CCDC85A: variants seen among roughly 807,000 people sequenced by gnomAD.
The protein encoded by CCDC85A is coiled-coil domain containing 85A, also known as coiled-coil domain-containing protein 85A.
In CCDC85A, 38 loss-of-function variants were observed where a neutral mutation model predicts 50.2. The observed-to-expected ratio is 0.76, with a 90% CI of 0.58 to 0.99. The LOEUF (loss-of-function observed/expected upper bound fraction) is 0.99, where lower values mean the gene tolerates loss of function less well. Among genes scored for constraint, CCDC85A ranks in the 50% least tolerant of loss-of-function variants. The pLI, the probability that CCDC85A is intolerant of heterozygous loss-of-function variation, is 0.00. For synonymous variants in CCDC85A, 366 were observed against 301.4 expected (o/e 1.21, Z -2.22); for missense variants, 820 against 742.0 (o/e 1.11, Z -1.22).
intron 2 of CCDC85A, among the ~76,000 whole-genome samples, chr2:56,287,058 T>C (rs1445321787): frequency 6.6e-6 from 1 of 152,224 alleles, no homozygotes; most frequent in Non-Finnish European, 1.5e-5. Context: ...CTTTCCACTC[T>C]GACTGAACCA....
intron 2 of CCDC85A, among the ~76,000 whole-genome samples, chr2:56,254,098 A>T (rs577183057): frequency 4.6e-5 from 7 of 151,356 alleles, no homozygotes; most frequent in African/African-American, 1.7e-4. Flanking sequence ...ACATACACAT[A>T]TATATGTGTT....
At chr2:56,213,817 A>G (rs533024997) in intron 2 of CCDC85A, among the ~76,000 whole-genome samples, 2 of 152,106 alleles carry the variant, frequency 1.3e-5, no homozygotes, top group South Asian at 2.1e-4. Flanking sequence ...GCAAAGTCTA[A>G]TAACTGAAAA....
At chr2:56,342,785 C>T in intron 2 of CCDC85A, 94 bp from the exon 3 acceptor site, 1 of 705,078 alleles carries the variant, frequency 1.4e-6, no homozygotes. Flanking sequence ...TAAATAGTCA[C>T]TGTCTGATTT....
At chr2:56,327,121 T>A (rs1673510864) in intron 2 of CCDC85A, among the ~76,000 whole-genome samples, 1 of 152,158 alleles carries the variant, frequency 6.6e-6, no homozygotes, top group South Asian at 2.1e-4. Flanking sequence ...AATGTTTGTG[T>A]AATGAAGAAA....
Position 56,184,578 on chromosome 2 carries a change from T to G in CCDC85A, c.-47T>G. 1 of 1,358,884 alleles carries G rather than the reference T, an allele frequency of 7.4e-7. No individual in the cohort carries two copies. The highest frequency in any genetic ancestry group is 9.4e-7 in the Non-Finnish European group (1 of 1,065,306). The allele number at this position is 1,358,884 out of a possible 1,614,324, so 84.2% of individuals were successfully genotyped here. Reference sequence around the variant, plus strand: ...CTCGCCGCGCCCGCGCCTTCGGGAGTCGCCTCGCCTCTTCCACCCACTTGC... The same window carrying G: ...CTCGCCGCGCCCGCGCCTTCGGGAGGCGCCTCGCCTCTTCCACCCACTTGC... On this transcript the variant is annotated 5_prime_UTR_variant, in exon 1 of 6. Transcript: ENST00000407595.
At chr2:56,184,955 G>A (rs1675940702) in intron 1 of CCDC85A, 55 bp downstream of exon 1, 1 of 1,435,670 alleles carries the variant, frequency 7.0e-7, no homozygotes, top group African/African-American at 1.5e-5. Flanking sequence ...GGTGCCCCGA[G>A]GAGGAGGCGG....
chr2:56,306,127 T>C (rs1672432635), intron 2 of CCDC85A, among the ~76,000 whole-genome samples: 1 of 152,058 alleles, frequency 6.6e-6, no homozygotes, highest in Admixed American at 6.6e-5. Context: ...AAACTTCCAG[T>C]GTATGAGATC....
rs538146349 is a variant in CCDC85A, at chr2:56,185,036, C to A, written c.276+136C>A. The A allele has an allele frequency of 4.9e-5, 52 of 1,070,252 alleles. No individual in the cohort carries two copies. The East Asian group carries it at 1.2e-3, about 24-fold the overall frequency. The allele number at this position is 1,070,252 out of a possible 1,614,324, so 66.3% of individuals were successfully genotyped here. A position where few individuals can be genotyped will look rare whatever the true frequency, so the allele number is the denominator to read the frequency against. ...TTCTCCCGGTCGGCACCCCCTACCCCCAGTCCCCAGCCCCTGTGTAACTTT... is the reference window on the plus strand; with the variant it reads ...TTCTCCCGGTCGGCACCCCCTACCCACAGTCCCCAGCCCCTGTGTAACTTT... On this transcript the variant is annotated intron_variant, in intron 1 of 5. Coordinates refer to ENST00000407595, the MANE Select transcript of CCDC85A (RefSeq NM_001080433.2).
chr2:56,224,755 T>C (rs990708062), intron 2 of CCDC85A, among the ~76,000 whole-genome samples: 2 of 152,210 alleles, frequency 1.3e-5, no homozygotes, highest in Non-Finnish European at 2.9e-5. Flanking sequence ...TTTGGAGAAA[T>C]GTCTATTCAA....
At chr2:56,308,540 A>G (rs1672544918) in intron 2 of CCDC85A, among the ~76,000 whole-genome samples, 1 of 152,224 alleles carries the variant, frequency 6.6e-6, no homozygotes, top group South Asian at 2.1e-4. Flanking sequence ...CAACAACAAC[A>G]ACAACAACAC....
chr2:56,226,331 G>C (rs1488682615), intron 2 of CCDC85A, among the ~76,000 whole-genome samples: 1 of 152,056 alleles, frequency 6.6e-6, no homozygotes, highest in Non-Finnish European at 1.5e-5. Flanking sequence ...CTTACCATTG[G>C]TTACCCAGTT....
chr2:56,292,472 G>A (rs1671758838), intron 2 of CCDC85A, among the ~76,000 whole-genome samples: 1 of 152,120 alleles, frequency 6.6e-6, no homozygotes, highest in African/African-American at 2.4e-5. Flanking sequence ...GGTCTTCACA[G>A]GGACCTATAG....
At chr2:56,207,846 C>A (rs945320021) in intron 2 of CCDC85A, among the ~76,000 whole-genome samples, 1 of 152,080 alleles carries the variant, frequency 6.6e-6, no homozygotes, top group Non-Finnish European at 1.5e-5. Flanking sequence ...CTATAAGAAA[C>A]AATAAACTTT....
chr2:56,201,515 T>C (rs1407002047), intron 2 of CCDC85A, among the ~76,000 whole-genome samples: 2 of 152,176 alleles, frequency 1.3e-5, no homozygotes, highest in Non-Finnish European at 2.9e-5. Flanking sequence ...CTCCTAATTA[T>C]TGAGGGACTT....
rs1272009806 is a variant in CCDC85A, at chr2:56,293,708, T to A, written c.1241-49171T>A. Among the ~76,000 whole-genome samples the A allele has an allele frequency of 2.0e-5, 3 of 152,040 alleles. No individual in the cohort carries two copies. The East Asian group carries it at 5.8e-4, about 29-fold the overall frequency. On this transcript the variant is annotated intron_variant, in intron 2 of 5. Coordinates refer to ENST00000407595, the MANE Select transcript of CCDC85A (RefSeq NM_001080433.2). ...AACCAACAAACACATGAAAAAAAGC[T>A]CAACATCACTGATCATTAGAGAAAT...
At chr2:56,203,907 A>G (rs1428945648) in intron 2 of CCDC85A, among the ~76,000 whole-genome samples, 1 of 152,186 alleles carries the variant, frequency 6.6e-6, no homozygotes, top group Non-Finnish European at 1.5e-5. Context: ...GATGTGATAC[A>G]CCAACTTCCT....
intron 2 of CCDC85A, among the ~76,000 whole-genome samples, chr2:56,197,381 G>A (rs986680201): frequency 2.0e-5 from 3 of 152,186 alleles, no homozygotes; most frequent in South Asian, 4.1e-4. Flanking sequence ...GTTGCGGGGG[G>A]TTGTAGGGAA....
intron 2 of CCDC85A, among the ~76,000 whole-genome samples, chr2:56,237,729 C>T (rs552636219): frequency 2.7e-5 from 3 of 112,080 alleles, no homozygotes; most frequent in African/African-American, 1.1e-4. Flanking sequence ...GCTGTACTAA[C>T]CCTAACCATT....
chr2:56,284,216 T>C (rs1240248569), intron 2 of CCDC85A, among the ~76,000 whole-genome samples: 2 of 152,230 alleles, frequency 1.3e-5, no homozygotes, highest in Non-Finnish European at 2.9e-5. Context: ...TCCCATATTA[T>C]GATCTATAAT....
Sources: allele counts gnomAD v4.1 joint callset (sites outside exome capture counted in the v4.1 genomes callset), GRCh38; gene constraint gnomAD v4.1.1; transcripts MANE v1.5; gene names NCBI Gene and HGNC (gene_info 2026-07-23, HGNC 2026-07-21).